The following LIPC variants were observed in gnomAD, a reference collection of about 807,000 sequenced individuals.
LIPC encodes hepatic triacylglycerol lipase.
Under a neutral mutation model 50.7 loss-of-function variants are expected in LIPC, and 44 were observed. The ratio of observed to expected loss-of-function variants is 0.87; its 90% confidence interval spans 0.68 to 1.11. The LOEUF (loss-of-function observed/expected upper bound fraction) is 1.11, where lower values mean the gene tolerates loss of function less well. Among genes scored for constraint, LIPC ranks in the 50% most tolerant of loss-of-function variants. The probability of loss-of-function intolerance (pLI) is 0.00; values close to 1 mark genes in which losing one functional copy is unlikely to be tolerated. For synonymous variants in LIPC, 271 were observed against 256.4 expected (o/e 1.06, Z -0.54); for missense variants, 697 against 648.2 (o/e 1.08, Z -0.82).
Position 58,444,495 on chromosome 15 carries a change from C to T in LIPC, c.88+12375C>T, listed in dbSNP as rs112356665. ...ACCACAGACTGGGTGGCCTCAACAA[C>T]AGAAATGTATTTTCTCACAGTTCTG... On this transcript the variant is annotated intron_variant, in intron 1 of 8. Transcript: ENST00000299022. Among the ~76,000 whole-genome samples the T allele has an allele frequency of 3.5e-3, 532 of 152,276 alleles. 1 individual carries two copies. The highest frequency in any genetic ancestry group is 0.012 in the African/African-American group (512 of 41,548).
chr15:58,508,449 G>T (rs565292663), intron 1 of LIPC, among the ~76,000 whole-genome samples: 2 of 152,124 alleles, frequency 1.3e-5, no homozygotes, highest in Admixed American at 6.5e-5. Flanking sequence ...AGTCTTACTC[G>T]CTGTGGTCAT....
At chr15:58,542,494 G>A (rs1333346071) in intron 3 of LIPC, 40 bp from the exon 4 acceptor site, 4 of 1,330,530 alleles carry the variant, frequency 3.0e-6, no homozygotes, top group East Asian at 2.3e-5. Context: ...TTTCATCCAG[G>A]CAGCTCTTCT....
chr15:58,462,512 C>A (rs994379813), intron 1 of LIPC, among the ~76,000 whole-genome samples: 1 of 152,216 alleles, frequency 6.6e-6, no homozygotes, highest in African/African-American at 2.4e-5. Context: ...GGTTTAGATA[C>A]TCACACATAC....
chr15:58,480,289 CATTT>C (rs1891141556), intron 1 of LIPC, among the ~76,000 whole-genome samples: 1 of 152,078 alleles, frequency 6.6e-6, no homozygotes, highest in Admixed American at 6.6e-5. Flanking sequence ...TTCATTCATT[CATTT>C]TATGTATTTA....
At chr15:58,455,988 G>T (rs1894096684) in intron 1 of LIPC, among the ~76,000 whole-genome samples, 1 of 152,144 alleles carries the variant, frequency 6.6e-6, no homozygotes, top group Non-Finnish European at 1.5e-5. Flanking sequence ...AGGAAGGGAA[G>T]GGGGTCAGGG....
At chr15:58,472,286 A>G (rs1225796969) in intron 1 of LIPC, among the ~76,000 whole-genome samples, 3 of 150,634 alleles carry the variant, frequency 2.0e-5, no homozygotes, top group African/African-American at 4.9e-5. Flanking sequence ...AAAAAAAAAA[A>G]AAAAAAAGAA....
chr15:58,456,855 CA>C (rs1167760214), intron 1 of LIPC, among the ~76,000 whole-genome samples: 2 of 152,226 alleles, frequency 1.3e-5, no homozygotes, highest in Non-Finnish European at 2.9e-5. Flanking sequence ...TATACTTTAC[CA>C]TGCGTAGAAT....
intron 1 of LIPC, among the ~76,000 whole-genome samples, chr15:58,519,506 C>T (rs547099660): frequency 2.0e-5 from 3 of 152,224 alleles, no homozygotes; most frequent in Non-Finnish European, 4.4e-5. Context: ...GCTGCCCCCT[C>T]TGCCTCACCT....
At chr15:58,564,600 A>T (rs1894294342) in intron 8 of LIPC, among the ~76,000 whole-genome samples, 1 of 152,006 alleles carries the variant, frequency 6.6e-6, no homozygotes, top group East Asian at 1.9e-4. Context: ...GGTGGCGCAC[A>T]ATGGTAGTCC....
chr15:58,546,086 G>C, intron 5 of LIPC, 111 bp downstream of exon 5: 1 of 945,844 alleles, frequency 1.1e-6, no homozygotes, highest in Non-Finnish European at 1.7e-6. Context: ...AGCAAGGATA[G>C]GGGCCCAGGG....
chr15:58,504,791 G>A (rs1254583459), intron 1 of LIPC, among the ~76,000 whole-genome samples: 1 of 152,216 alleles, frequency 6.6e-6, no homozygotes, highest in African/African-American at 2.4e-5. Flanking sequence ...GTGGAGAGTA[G>A]CAGATCTCTA....
intron 8 of LIPC, among the ~76,000 whole-genome samples, chr15:58,567,339 G>T (rs8039743): frequency 5.7e-5 from 1 of 17,440 alleles, no homozygotes; most frequent in Non-Finnish European, 1.2e-4. Context: ...ATATATATAT[G>T]TATATGTATA....
chr15:58,481,490 G>A (rs531538952), intron 1 of LIPC, among the ~76,000 whole-genome samples: 2 of 152,162 alleles, frequency 1.3e-5, no homozygotes, highest in East Asian at 3.9e-4. Flanking sequence ...CCATGTACAA[G>A]AACACTATGC....
At chr15:58,517,174 C>G (rs1300756269) in intron 1 of LIPC, among the ~76,000 whole-genome samples, 1 of 152,216 alleles carries the variant, frequency 6.6e-6, no homozygotes, top group Non-Finnish European at 1.5e-5. Flanking sequence ...TTGAGTAGAA[C>G]TGTTAACTGC....
intron 7 of LIPC, among the ~76,000 whole-genome samples, chr15:58,562,647 C>G (rs1341318763): frequency 6.6e-6 from 1 of 152,196 alleles, no homozygotes; most frequent in Non-Finnish European, 1.5e-5. Flanking sequence ...CACACTGATT[C>G]AGTCATTCAG....
intron 1 of LIPC, among the ~76,000 whole-genome samples, chr15:58,477,501 T>C (rs1891040180): frequency 6.6e-6 from 1 of 152,200 alleles, no homozygotes; most frequent in Non-Finnish European, 1.5e-5. Context: ...TTTTGAAGTC[T>C]AATCATTTGG....
rs372172193 is a variant in LIPC, at chr15:58,548,480, G to T, written c.959G>T (p.Arg320Leu). The change falls in exon 6 of 9, where the codon CGC becomes CTC. Residue 320 changes from arginine to leucine, a missense_variant. Arg to Leu is a moderately radical substitution (Grantham distance 102). Coordinates refer to ENST00000299022, the MANE Select transcript of LIPC (RefSeq NM_000236.3). The part of the protein sequence containing the change: ...QGLCLSCKKG[R>L]CNTLGYHVRQ... ...CTGTGCCTGAGCTGCAAGAAGGGCC[G>T]CTGCAACACGCTGGGCTACCACGTC... 58 of 1,610,670 alleles carry T rather than the reference G, an allele frequency of 3.6e-5. No individual in the cohort carries two copies. The highest frequency in any genetic ancestry group is 8.4e-5 in the Admixed American group (5 of 59,436).
At chr15:58,474,693 T>A (rs1890931485) in intron 1 of LIPC, among the ~76,000 whole-genome samples, 1 of 152,120 alleles carries the variant, frequency 6.6e-6, no homozygotes, top group African/African-American at 2.4e-5. Flanking sequence ...GTACGCAGGA[T>A]CCCTGAGGGT....
chr15:58,567,323 G>GCA (rs1566955166), intron 8 of LIPC, among the ~76,000 whole-genome samples: 12 of 31,278 alleles, frequency 3.8e-4, no homozygotes, highest in Admixed American at 3.2e-3. Flanking sequence ...ATGTATATGT[G>GCA]TATATATATA....
Sources: allele counts gnomAD v4.1 joint callset (sites outside exome capture counted in the v4.1 genomes callset), GRCh38; gene constraint gnomAD v4.1.1; transcripts MANE v1.5; gene names NCBI Gene and HGNC (gene_info 2026-07-23, HGNC 2026-07-21).